CWH43: variants seen among roughly 807,000 people sequenced by gnomAD.
The protein encoded by CWH43 is PGAP2-interacting protein.
CWH43 carries 91 observed loss-of-function variants against 85.7 expected under a neutral mutation model. The ratio of observed to expected loss-of-function variants is 1.06; its 90% CI spans 0.90 to 1.26. CWH43 has a LOEUF of 1.26. Among genes scored for constraint, CWH43 ranks in the 50% most tolerant of loss-of-function variants. CWH43 has a pLI of 0.00. For synonymous variants in CWH43, 323 were observed against 293.6 expected (o/e 1.10, Z -1.02); for missense variants, 869 against 839.2 (o/e 1.04, Z -0.44).
At chr4:49,012,021 C>T (rs1269377018) in intron 8 of CWH43, among the ~76,000 whole-genome samples, 5 of 152,042 alleles carry the variant, frequency 3.3e-5, no homozygotes. Flanking sequence ...TGTTGGCTTG[C>T]CTTGCTAGGT....
At chr4:49,025,374 G>A (rs981632227) in intron 9 of CWH43, among the ~76,000 whole-genome samples, 5 of 151,902 alleles carry the variant, frequency 3.3e-5, no homozygotes, top group African/African-American at 9.7e-5. Context: ...TTTCATCTTG[G>A]TTTGGATCCA....
chr4:49,056,728 C>T (rs754679154), intron 15 of CWH43, among the ~76,000 whole-genome samples: 1 of 151,636 alleles, frequency 6.6e-6, no homozygotes, highest in Non-Finnish European at 1.5e-5. Context: ...TTTCTACTCC[C>T]ACAGGTATAA....
rs375262614 is a variant in CWH43, at chr4:49,013,364, C to T, written c.1187-3885C>T. Among the ~76,000 whole-genome samples, 759 of 152,318 alleles carry T rather than the reference C, an allele frequency of 5.0e-3. 1 individual carries two copies. Among genetic ancestry groups the T allele is most frequent in the Middle Eastern group, 0.014 (4 of 294 alleles). The stretch of plus-strand genomic sequence containing the variant: ...CCATGGGAAAAACACAGTATTTTGG[C>T]GGGAGTGTCCTGTTTTTCCAGGTAC... On this transcript the variant is annotated intron_variant, in intron 8 of 15. Coordinates refer to ENST00000226432, the MANE Select transcript of CWH43 (RefSeq NM_025087.3).
At chr4:49,044,999 C>T in intron 14 of CWH43, 152 bp downstream of exon 14, 1 of 616,678 alleles carries the variant, frequency 1.6e-6, no homozygotes, top group Non-Finnish European at 2.8e-6. Context: ...TTTGACTATA[C>T]AGTTTAACAT....
intron 9 of CWH43, among the ~76,000 whole-genome samples, chr4:49,026,722 C>T (rs1783928153): frequency 6.6e-6 from 1 of 152,096 alleles, no homozygotes; most frequent in Non-Finnish European, 1.5e-5. Context: ...TATTTTGTTC[C>T]TTTTCATGGC....
chr4:49,044,429 C>A (rs1210529183), intron 13 of CWH43, among the ~76,000 whole-genome samples: 3 of 152,160 alleles, frequency 2.0e-5, no homozygotes, highest in Non-Finnish European at 2.9e-5. Context: ...GTGTAAAGTA[C>A]TGTACAGGAT....
chr4:49,057,306 C>A (rs1458461974), intron 15 of CWH43, among the ~76,000 whole-genome samples: 1 of 152,142 alleles, frequency 6.6e-6, no homozygotes, highest in Non-Finnish European at 1.5e-5. Context: ...TCCGGGAAGG[C>A]AGGACAACTG....
At chr4:48,986,629 T>C (rs569507955) in intron 1 of CWH43, 157 bp downstream of exon 1, 3 of 1,442,414 alleles carry the variant, frequency 2.1e-6, no homozygotes, top group Admixed American at 5.6e-5. Flanking sequence ...GAACTTTTCC[T>C]ACTGAAGGGA....
chr4:48,987,985 A>C (rs1028559777), intron 1 of CWH43, among the ~76,000 whole-genome samples: 25 of 152,130 alleles, frequency 1.6e-4, no homozygotes, highest in African/African-American at 5.3e-4. Context: ...CGGGATGCCA[A>C]ATTCAACTCA....
At chr4:49,007,109 G>A (rs1430624228) in intron 7 of CWH43, 92 bp from the exon 8 acceptor site, 2 of 1,417,760 alleles carry the variant, frequency 1.4e-6, no homozygotes, top group Non-Finnish European at 1.9e-6. Flanking sequence ...TCCAGGGTAT[G>A]TTCCTTTCAA....
At chr4:48,994,922 A>G (rs1782765422) in intron 5 of CWH43, 102 bp downstream of exon 5, 2 of 910,098 alleles carry the variant, frequency 2.2e-6, no homozygotes, top group African/African-American at 1.6e-5. Context: ...CAGATATTTC[A>G]TACCACTCTC....
intron 8 of CWH43, among the ~76,000 whole-genome samples, chr4:49,013,215 C>A (rs1459242465): frequency 3.9e-5 from 6 of 152,254 alleles, no homozygotes; most frequent in South Asian, 4.1e-4. Context: ...GCCCCTCCCC[C>A]AACCAGGCTG....
At chr4:49,040,105 A>G (rs1172605236) in intron 13 of CWH43, among the ~76,000 whole-genome samples, 1 of 152,178 alleles carries the variant, frequency 6.6e-6, no homozygotes, top group African/African-American at 2.4e-5. Context: ...ATAGTATTCC[A>G]TGGTGTATAT....
chr4:49,010,419 A>C (rs1783317248), intron 8 of CWH43, among the ~76,000 whole-genome samples: 1 of 152,184 alleles, frequency 6.6e-6, no homozygotes, highest in Non-Finnish European at 1.5e-5. Context: ...ATCTTTTCAA[A>C]AAACCACCTC....
At chr4:49,037,385 C>T (rs1345744547) in intron 12 of CWH43, among the ~76,000 whole-genome samples, 1 of 152,118 alleles carries the variant, frequency 6.6e-6, no homozygotes, top group African/African-American at 2.4e-5. Context: ...GCCTGCCCAA[C>T]ATGCAAAATG....
chr4:49,046,297 A>G (rs1320516518), intron 14 of CWH43, among the ~76,000 whole-genome samples: 2 of 137,724 alleles, frequency 1.5e-5, no homozygotes, highest in Non-Finnish European at 3.2e-5. Flanking sequence ...ATGCCAAAAA[A>G]GAGGGACTAA....
intron 7 of CWH43, among the ~76,000 whole-genome samples, chr4:49,006,285 A>T (rs931683206): frequency 1.3e-5 from 2 of 152,068 alleles, no homozygotes; most frequent in African/African-American, 4.8e-5. Context: ...CTCACTACTT[A>T]TGGAATTGTA....
chr4:49,021,411 A>C (rs941484639), intron 9 of CWH43, among the ~76,000 whole-genome samples: 1 of 152,062 alleles, frequency 6.6e-6, no homozygotes, highest in African/African-American at 2.4e-5. Flanking sequence ...ATTGGTCTAT[A>C]TGCCTTTTTT....
At chr4:48,991,283 T>C (rs1395523257) in intron 2 of CWH43, among the ~76,000 whole-genome samples, 171 bp from the exon 3 acceptor site, 3 of 152,212 alleles carry the variant, frequency 2.0e-5, no homozygotes, top group East Asian at 3.8e-4. Context: ...GTGACTTTTA[T>C]GATATGTGAA....
Sources: allele counts gnomAD v4.1 joint callset (sites outside exome capture counted in the v4.1 genomes callset), GRCh38; gene constraint gnomAD v4.1.1; transcripts MANE v1.5; gene names NCBI Gene and HGNC (gene_info 2026-07-23, HGNC 2026-07-21).